The following WDTC1 variants were observed in gnomAD, a reference collection of about 807,000 sequenced individuals.
The protein encoded by WDTC1 is WD and tetratricopeptide repeats protein 1.
Under a neutral mutation model 76.0 loss-of-function variants are expected in WDTC1, and 12 were observed. That is an observed-to-expected ratio of 0.16 (90% CI 0.10 to 0.26). WDTC1 has a LOEUF of 0.26. WDTC1 is among the 10% of genes least tolerant of loss of function. The pLI is 1.00. For missense variants in WDTC1, 511 were observed against 908.8 expected (o/e 0.56, Z 5.63); for synonymous variants, 326 against 350.8 (o/e 0.93, Z 0.79).
intron 10 of WDTC1, among the ~76,000 whole-genome samples, chr1:27,296,833 T>C (rs2013705277): frequency 4.9e-5 from 1 of 20,546 alleles, no homozygotes; most frequent in Non-Finnish European, 1.0e-4. Context: ...CCCAGCTGAG[T>C]AATGCCACGG....
rs2013821011 is a variant in WDTC1 at position 27,301,097 on chromosome 1, T to C, written c.1233-129T>C. 7.8e-6 allele frequency: 6 copies of C among 773,244 alleles called. No homozygotes were observed. The highest frequency in any genetic ancestry group is 1.3e-5 in the Non-Finnish European group (6 of 471,898). 47.9% of individuals were successfully genotyped at this position (773,244 alleles called of 1,614,324 possible). A position where few individuals can be genotyped will look rare whatever the true frequency, so the allele number is the denominator to read the frequency against. On this transcript the variant is annotated intron_variant, in intron 12 of 15. Coordinates refer to ENST00000319394, the MANE Select transcript of WDTC1 (RefSeq NM_001276252.2). This position sits in a 1 kb window ranked among gnomAD's most constrained non-coding sequence, Gnocchi z 5.8. ...GGCTGAGCCAGGATTCTCTTCGTCC[T>C]CAAGTCCCCTTGCCATGAGATCTGT...
At chr1:27,259,869 A>AAAAG (rs1172856267) in intron 1 of WDTC1, among the ~76,000 whole-genome samples, 1 of 151,666 alleles carries the variant, frequency 6.6e-6, no homozygotes, top group Admixed American at 6.6e-5. Flanking sequence ...AAAAAAAAAA[A>AAAAG]AAGAGAGAAA....
At chr1:27,295,888 C>T (rs1039319707) in intron 9 of WDTC1, among the ~76,000 whole-genome samples, 2 of 151,958 alleles carry the variant, frequency 1.3e-5, no homozygotes, top group South Asian at 2.1e-4. Context: ...ACCTCAGCCT[C>T]CTGAGTAGCT....
At chr1:27,248,005 A>G (rs540756216) in intron 1 of WDTC1, among the ~76,000 whole-genome samples, 2 of 152,240 alleles carry the variant, frequency 1.3e-5, no homozygotes, top group African/African-American at 2.4e-5. Context: ...GGCGTGAGCC[A>G]CTGTGCCCAG....
Position 27,263,329 on chromosome 1 carries a change from T to C in WDTC1, c.132+94T>C, listed in dbSNP as rs2012545169. The C allele has an allele frequency of 7.1e-6, 9 of 1,259,190 alleles. No homozygotes were observed. In the South Asian group the frequency reaches 9.8e-5, roughly 14 times the overall value. The allele number at this position is 1,259,190 out of a possible 1,614,324, so 78.0% of individuals were successfully genotyped here. A position where few individuals can be genotyped will look rare whatever the true frequency, so the allele number is the denominator to read the frequency against. Reference sequence around the variant, plus strand: ...TTGGCCTTATCAAGGCATAAACAAGTGTTTCTCTGCAGGCCATATCTGACA... The same window carrying C: ...TTGGCCTTATCAAGGCATAAACAAGCGTTTCTCTGCAGGCCATATCTGACA... On this transcript the variant is annotated intron_variant, in intron 3 of 15. Coordinates refer to ENST00000319394, the MANE Select transcript of WDTC1 (RefSeq NM_001276252.2).
intron 12 of WDTC1, among the ~76,000 whole-genome samples, chr1:27,298,346 G>A (rs565253456): frequency 1.3e-5 from 2 of 152,338 alleles, no homozygotes; most frequent in East Asian, 3.9e-4. Flanking sequence ...CAGTTACGTG[G>A]AACATGTTCA....
chr1:27,250,167 T>C (rs571415758), intron 1 of WDTC1, among the ~76,000 whole-genome samples: 2 of 152,286 alleles, frequency 1.3e-5, no homozygotes, highest in South Asian at 4.1e-4. Flanking sequence ...ACAATCTAGA[T>C]ACGATACTGT....
chr1:27,294,623 G>T lies in WDTC1; in HGVS notation c.867G>T (p.Gly289=). ...NGTELLVNMG[G]EQVYLFDLTY... ...CAGAGCTACTAGTCAACATGGGGGG[G>T]GAACAGGTATGTACAGCATAAGGTG... The change falls in exon 9 of 16, where the codon GGG becomes GGT. Residue 289 remains glycine, a synonymous_variant. Transcript: ENST00000319394. 2 of 1,613,786 alleles carry T rather than the reference G, an allele frequency of 1.2e-6. No individual in the cohort carries two copies. Among genetic ancestry groups the T allele is most frequent in the Non-Finnish European group, 1.7e-6 (2 of 1,179,760 alleles).
chr1:27,289,398 C>T (rs1357783430), intron 6 of WDTC1, among the ~76,000 whole-genome samples: 1 of 151,434 alleles, frequency 6.6e-6, no homozygotes, highest in African/African-American at 2.4e-5. Context: ...CGCGGCCGGG[C>T]AGAGGCGCTC....
At chr1:27,278,920 A>G (rs1333616461) in intron 3 of WDTC1, among the ~76,000 whole-genome samples, 1 of 152,128 alleles carries the variant, frequency 6.6e-6, no homozygotes, top group African/African-American at 2.4e-5. Flanking sequence ...AAAATTAGCC[A>G]GGTGCAGTGA....
intron 1 of WDTC1, among the ~76,000 whole-genome samples, chr1:27,248,296 G>A (rs1054383252): frequency 1.3e-5 from 2 of 152,160 alleles, no homozygotes; most frequent in African/African-American, 4.8e-5. Context: ...CCTTTTCTCT[G>A]CAACCTCACC....
chr1:27,305,331 C>A lies in WDTC1; in HGVS notation c.1836+138C>A. The A allele has an allele frequency of 9.0e-7, 1 of 1,117,300 alleles. No individual in the cohort carries two copies. The highest frequency in any genetic ancestry group is 1.2e-6 in the Non-Finnish European group (1 of 814,294). The allele number at this position is 1,117,300 out of a possible 1,614,324, so 69.2% of individuals were successfully genotyped here. The stretch of plus-strand genomic sequence containing the variant: ...GTAAGCCTTACCCCGGGGCCCAAGG[C>A]TGTGTTCTCAGATTCCAGAAGCTCC... On this transcript the variant is annotated intron_variant, in intron 15 of 15. Transcript: ENST00000319394. The surrounding 1 kb of genome is among the most constrained non-coding windows in gnomAD (Gnocchi z 4.6).
intron 1 of WDTC1, among the ~76,000 whole-genome samples, chr1:27,237,159 G>C (rs998614745): frequency 6.6e-6 from 1 of 151,904 alleles, no homozygotes; most frequent in African/African-American, 2.4e-5. Flanking sequence ...TTATTTTTTT[G>C]AGATGGGGTC....
chr1:27,306,127 G>A lies in WDTC1; in HGVS notation c.1837-59G>A. 1 of 1,595,368 alleles carries A rather than the reference G, an allele frequency of 6.3e-7. No individual in the cohort carries two copies. Among genetic ancestry groups the A allele is most frequent in the Non-Finnish European group, 8.6e-7 (1 of 1,165,022 alleles). On this transcript the variant is annotated intron_variant, in intron 15 of 15. Transcript: ENST00000319394. This position sits in a 1 kb window ranked among gnomAD's most constrained non-coding sequence, Gnocchi z 5.0. Reference sequence around the variant, plus strand: ...ATTTCCCTCCCCCTCCCCTATACGTGTACCCTGGTGCCTCTCCCTCCCTGA... The same window carrying A: ...ATTTCCCTCCCCCTCCCCTATACGTATACCCTGGTGCCTCTCCCTCCCTGA...
chr1:27,292,969 C>A (rs1397211214), intron 7 of WDTC1, among the ~76,000 whole-genome samples: 1 of 148,488 alleles, frequency 6.7e-6, no homozygotes, highest in African/African-American at 2.5e-5. Flanking sequence ...CCAGGCTAGT[C>A]TTGAACTCCT....
intron 1 of WDTC1, among the ~76,000 whole-genome samples, chr1:27,240,063 A>AT (rs1478719144): frequency 6.6e-6 from 1 of 151,528 alleles, no homozygotes; most frequent in African/African-American, 2.4e-5. Context: ...TAATTTTTGT[A>AT]TTTTTTTAGT....
Position 27,269,606 on chromosome 1 carries a change from G to GTTTTTTTTTTTTTTTGTTTTTTTTT in WDTC1, c.132+6383_132+6384insTTTGTTTTTTTTTTTTTTTTTTTTT, listed in dbSNP as rs56885576. ...ATGATCAGATTTTTTTTTGTTTTTT[G>GTTTTTTTTTTTTTTTGTTTTTTTTT]TTTTTTTTTTTTCGGTTTTTTTTTT... On this transcript the variant is annotated intron_variant, in intron 3 of 15. Transcript: ENST00000319394. 1.5e-4 allele frequency among the ~76,000 whole-genome samples: 18 copies of GTTTTTTTTTTTTTTTGTTTTTTTTT among 119,440 alleles called. No individual in the cohort carries two copies. In the East Asian group the frequency reaches 2.2e-3, roughly 15 times the overall value. 78.4% of individuals were successfully genotyped at this position (119,440 alleles called of 152,430 possible).
chr1:27,288,880 G>T (rs1265018386), intron 6 of WDTC1, among the ~76,000 whole-genome samples: 1 of 152,136 alleles, frequency 6.6e-6, no homozygotes, highest in East Asian at 1.9e-4. Context: ...CCTCCCAGAC[G>T]GGGTGGTGGC....
rs11801611 is a variant in WDTC1 at position 27,301,480 on chromosome 1, G to A, written c.1468+19G>A. 1.6e-3 allele frequency: 2,514 copies of A among 1,607,404 alleles called. 36 individuals are homozygous for A. The African/African-American group carries it at 0.029, about 19-fold the overall frequency. On this transcript the variant is annotated intron_variant, in intron 13 of 15. Transcript: ENST00000319394. The surrounding 1 kb of genome is among the most constrained non-coding windows in gnomAD (Gnocchi z 5.8). ...GATGGTGGTGAGTGGGCACTGAGGA[G>A]GGGGTGCTGTTACTCTTTCTCTTTG...
Sources: allele counts gnomAD v4.1 joint callset (sites outside exome capture counted in the v4.1 genomes callset), GRCh38; gene constraint gnomAD v4.1.1; non-coding constraint Gnocchi (gnomAD v3.1); transcripts MANE v1.5; gene names NCBI Gene and HGNC (gene_info 2026-07-23, HGNC 2026-07-21).